Variants in RTL4 observed in about 807,000 individuals in gnomAD.
RTL4 encodes retrotransposon Gag like 4, also known as retrotransposon Gag-like protein 4.
Under a neutral mutation model 5.3 loss-of-function variants are expected in RTL4, and 4 were observed. The ratio of observed to expected loss-of-function variants is 0.75; its 90% confidence interval spans 0.37 to 1.72. The LOEUF (loss-of-function observed/expected upper bound fraction) is 1.72. RTL4 is among the 40% of genes most tolerant of loss of function. RTL4 has a pLI of 0.04. For synonymous variants in RTL4, 98 were observed against 87.3 expected (o/e 1.12, Z -0.68); for missense variants, 260 against 227.1 (o/e 1.14, Z -0.93).
chrX:112,118,241 G>A, the RTL4 span, among the ~76,000 whole-genome samples: 1 of 111,972 alleles, frequency 8.9e-6, no homozygotes. Flanking sequence ...TCATCAGTTC[G>A]CAGACAAGAT....
At chrX:112,339,105 A>C in the RTL4 span, among the ~76,000 whole-genome samples, 1 of 111,477 alleles carries the variant, frequency 9.0e-6, no homozygotes, top group Non-Finnish European at 1.9e-5. Flanking sequence ...AAAGTAAAAA[A>C]AAAATCTAGT....
At chrX:112,247,421 T>C in the RTL4 span, among the ~76,000 whole-genome samples, 4 of 111,817 alleles carry the variant, frequency 3.6e-5, no homozygotes, top group Non-Finnish European at 5.6e-5. Context: ...TGGTAAGTGG[T>C]TTCTTTAACT....
the RTL4 span, among the ~76,000 whole-genome samples, chrX:112,323,498 A>AT: frequency 2.8e-5 from 3 of 108,780 alleles, no homozygotes; most frequent in African/African-American, 1.0e-4. Context: ...TTTATATTTT[A>AT]TTTTTTCTTT....
At chrX:112,090,136 T>A in the RTL4 span, among the ~76,000 whole-genome samples, 1 of 110,529 alleles carries the variant, frequency 9.0e-6, no homozygotes, top group South Asian at 3.8e-4. Flanking sequence ...TATGGATTCT[T>A]TAGGATTTCT....
chrX:112,189,260 C>T, the RTL4 span, among the ~76,000 whole-genome samples: 1 of 110,381 alleles, frequency 9.1e-6, no homozygotes. Context: ...AAAAGAAACC[C>T]TGAAAGATCA....
the RTL4 span, among the ~76,000 whole-genome samples, chrX:112,370,228 G>A: frequency 9.0e-5 from 10 of 111,059 alleles, no homozygotes; most frequent in Admixed American, 5.7e-4. Flanking sequence ...CCTCTTATTT[G>A]ACCAGAGACT....
At chrX:112,275,221 G>T in the RTL4 span, among the ~76,000 whole-genome samples, 1 of 107,005 alleles carries the variant, frequency 9.3e-6, no homozygotes, top group Admixed American at 1.0e-4. Context: ...AGCTAGCTGA[G>T]AGCGGGGTAA....
the RTL4 span, among the ~76,000 whole-genome samples, chrX:112,103,172 G>A: frequency 1.8e-5 from 2 of 111,176 alleles, no homozygotes; most frequent in South Asian, 7.7e-4. Context: ...CAAAGATATG[G>A]AATCAACCCA....
At chrX:112,193,425 T>G in the RTL4 span, among the ~76,000 whole-genome samples, 2 of 111,431 alleles carry the variant, frequency 1.8e-5, no homozygotes, top group Admixed American at 1.9e-4. Context: ...CAATCCCTAT[T>G]TATCCTCCCC....
At chrX:112,133,004 T>C in the RTL4 span, among the ~76,000 whole-genome samples, 1 of 112,368 alleles carries the variant, frequency 8.9e-6, no homozygotes, top group Non-Finnish European at 1.9e-5. Flanking sequence ...TCTAGACATT[T>C]CTTACATTCA....
the RTL4 span, among the ~76,000 whole-genome samples, chrX:112,260,692 C>A: frequency 7.2e-5 from 8 of 111,770 alleles, no homozygotes; most frequent in Admixed American, 1.9e-4. Context: ...AGAAAATGAA[C>A]GTATACACAT....
the RTL4 span, among the ~76,000 whole-genome samples, chrX:112,429,942 CTT>C: frequency 6.6e-4 from 73 of 110,958 alleles, no homozygotes; most frequent in African/African-American, 2.3e-3. Context: ...ATAGATAAGA[CTT>C]TTTTTATCTC....
the RTL4 span, among the ~76,000 whole-genome samples, chrX:112,391,752 T>C: frequency 1.8e-5 from 2 of 110,580 alleles, no homozygotes; most frequent in Non-Finnish European, 3.8e-5. Flanking sequence ...CCTCATTGAG[T>C]GCTGGCTATA....
At chrX:112,419,964 A>C in the RTL4 span, among the ~76,000 whole-genome samples, 2 of 110,787 alleles carry the variant, frequency 1.8e-5, no homozygotes, top group Non-Finnish European at 3.8e-5. Context: ...AATTACATTC[A>C]CACCAGAAAT....
chrX:112,291,402 A>G, the RTL4 span, among the ~76,000 whole-genome samples: 8 of 108,389 alleles, frequency 7.4e-5, no homozygotes, highest in African/African-American at 2.8e-4. Flanking sequence ...ACACACACAC[A>G]CACACACATG....
At chrX:112,352,373 G>A in the RTL4 span, among the ~76,000 whole-genome samples, 7 of 110,928 alleles carry the variant, frequency 6.3e-5, no homozygotes, top group South Asian at 3.8e-4. Context: ...GCATCGCCAA[G>A]TCAATCCTCA....
At chrX:112,234,737 T>C in the RTL4 span, among the ~76,000 whole-genome samples, 4 of 111,943 alleles carry the variant, frequency 3.6e-5, no homozygotes, top group East Asian at 1.1e-3. Flanking sequence ...AAATCTGATT[T>C]TGAATTTCTA....
At chrX:112,180,547 A>G in the RTL4 span, among the ~76,000 whole-genome samples, 1 of 112,055 alleles carries the variant, frequency 8.9e-6, no homozygotes, top group Non-Finnish European at 1.9e-5. Flanking sequence ...CCTCAAGCTT[A>G]TTAAATGGGG....
the RTL4 span, among the ~76,000 whole-genome samples, chrX:112,219,029 C>G: frequency 4.5e-5 from 5 of 111,570 alleles, no homozygotes; most frequent in Non-Finnish European, 9.4e-5. Context: ...CACAATAGAC[C>G]CATCTAGCAA....
Sources: allele counts gnomAD v4.1 joint callset (sites outside exome capture counted in the v4.1 genomes callset), GRCh38; gene constraint gnomAD v4.1.1; transcripts MANE v1.5; gene names NCBI Gene and HGNC (gene_info 2026-07-23, HGNC 2026-07-21).